The following SEC31A variants were observed in gnomAD, a reference collection of about 807,000 sequenced individuals.
SEC31A encodes SEC31 homolog A, COPII component, also known as protein transport protein Sec31A.
Under a neutral mutation model 151.0 loss-of-function variants are expected in SEC31A, and 70 were observed. The observed-to-expected ratio is 0.46, with a 90% confidence interval of 0.38 to 0.57. SEC31A has a LOEUF of 0.57. SEC31A is among the 20% of genes least tolerant of loss of function. The pLI is 0.00. For synonymous variants in SEC31A, 475 were observed against 505.9 expected (o/e 0.94, Z 0.82); for missense variants, 1,330 against 1,471.2 (o/e 0.90, Z 1.57).
chr4:82,819,032 T>G lies in SEC31A; in HGVS notation c.*42A>C. The G allele has an allele frequency of 1.3e-6, 2 of 1,532,380 alleles. No individual in the cohort carries two copies. Among genetic ancestry groups the G allele is most frequent in the Non-Finnish European group, 8.8e-7 (1 of 1,137,448 alleles). 94.9% of individuals were successfully genotyped at this position (1,532,380 alleles called of 1,614,324 possible). ...ATAATTTTTTTTTTTAACATGTTTC[T>G]TTGGAAAAATGGCAATATTGAGTGG... On this transcript the variant is annotated 3_prime_UTR_variant, in exon 27 of 27. Coordinates refer to ENST00000395310, the MANE Select transcript of SEC31A (RefSeq NM_001077207.4).
rs201422204 is a variant in SEC31A at position 82,864,565 on chromosome 4, T to G, written c.1231A>C (p.Arg411=). The change falls in exon 11 of 27, where the codon AGA becomes CGA. Residue 411 remains arginine (R), a synonymous_variant. Transcript: ENST00000395310. ...TCAGCTCCCTGATGAGAAGGCATTCTGACATTCTCAAACGTAACCAGTTTG... is the reference window on the plus strand; with the variant it reads ...TCAGCTCCCTGATGAGAAGGCATTCGGACATTCTCAAACGTAACCAGTTTG... ...GGKLVTFENV[R]MPSHQGAEQQ... 3 of 1,614,084 alleles carry G rather than the reference T, an allele frequency of 1.9e-6. No homozygotes were observed. Among genetic ancestry groups the G allele is most frequent in the African/African-American group, 1.3e-5 (1 of 75,042 alleles).
At chr4:82,828,975 T>C (rs550302065) in intron 23 of SEC31A, 25 bp downstream of exon 23, 36 of 1,601,024 alleles carry the variant, frequency 2.2e-5, no homozygotes, top group South Asian at 1.4e-4. Context: ...CTGTAGGCCA[T>C]TGGATGGACA....
chr4:82,874,688 T>A lies in SEC31A; in HGVS notation c.562A>T (p.Ser188Cys). 1 of 1,613,418 alleles carries A rather than the reference T, an allele frequency of 6.2e-7. No homozygotes were observed. The highest frequency in any genetic ancestry group is 1.1e-5 in the South Asian group (1 of 90,906). ...RQVQHILASA[S>C]PSGRATVWDL... is the part of the protein sequence containing the mutation. ...CATACAGTGGCCCGGCCACTGGGAC[T>A]GGCTGATGCTAAAATATGCTGAACT... is the stretch of plus-strand genomic sequence containing the variant. Residue 188 changes from serine to cysteine, a missense_variant, in exon 6 of 27, where the codon AGT becomes TGT. Ser to Cys is a moderately radical substitution (Grantham distance 112). Transcript: ENST00000395310.
At chr4:82,839,352 T>C (rs1001776587) in intron 22 of SEC31A, among the ~76,000 whole-genome samples, 1 of 152,184 alleles carries the variant, frequency 6.6e-6, no homozygotes. Context: ...GGTTTCGCCA[T>C]GTTGGCCAGG....
chr4:82,830,883 A>T, intron 22 of SEC31A: 1 of 781,470 alleles, frequency 1.3e-6, no homozygotes, highest in Non-Finnish European at 1.7e-6. Context: ...TCCATTCATT[A>T]ATTGTATTCA....
chr4:82,847,538 C>T (rs970023526), intron 20 of SEC31A, among the ~76,000 whole-genome samples: 7 of 152,184 alleles, frequency 4.6e-5, no homozygotes, highest in African/African-American at 1.7e-4. Flanking sequence ...CAGTACCTGA[C>T]AGGTAGCTTG....
At chr4:82,888,088 C>T (rs951756088) in intron 1 of SEC31A, among the ~76,000 whole-genome samples, 67 of 148,284 alleles carry the variant, frequency 4.5e-4, no homozygotes, top group South Asian at 8.7e-4. Flanking sequence ...AAAAAAACAT[C>T]TATTAGCCAG....
intron 8 of SEC31A, among the ~76,000 whole-genome samples, chr4:82,867,554 G>A (rs975641247): frequency 3.9e-5 from 6 of 152,106 alleles, no homozygotes; most frequent in South Asian, 2.1e-4. Flanking sequence ...TTGAATAAAC[G>A]CATTTTAAAA....
chr4:82,863,795 A>C (rs1358298513), intron 11 of SEC31A, among the ~76,000 whole-genome samples: 1 of 152,178 alleles, frequency 6.6e-6, no homozygotes, highest in Non-Finnish European at 1.5e-5. Context: ...TTATTACAAA[A>C]TATAAATTCT....
chr4:82,872,082 T>C lies in SEC31A; in HGVS notation c.644A>G (p.His215Arg), dbSNP rs1159925091. ...IKVSDHSNRM[H>R]CSGLAWHPDV... is the part of the protein sequence containing the mutation. The stretch of plus-strand genomic sequence containing the variant: ...AGGATGCCATGCCAACCCAGAACAA[T>C]GCATCTGAAGATAGTTAAGGTTCAC... The change falls in exon 7 of 27, where the codon CAT (histidine) becomes CGT (arginine). Residue 215 changes from histidine to arginine, a missense_variant. Coordinates refer to ENST00000395310, the MANE Select transcript of SEC31A (RefSeq NM_001077207.4). 2.0e-5 allele frequency: 32 copies of C among 1,612,992 alleles called. No individual in the cohort carries two copies. Among genetic ancestry groups the C allele is most frequent in the Non-Finnish European group, 2.6e-5 (31 of 1,179,066 alleles).
chr4:82,851,886 C>T (rs1234658671), intron 18 of SEC31A, among the ~76,000 whole-genome samples: 1 of 152,140 alleles, frequency 6.6e-6, no homozygotes, highest in Non-Finnish European at 1.5e-5. Context: ...CAGGCAAATA[C>T]TCAAAGTGAA....
At chr4:82,897,910 C>T (rs1296397800) in intron 3 of SEC31A, 1 of 152,114 alleles carries the variant, frequency 6.6e-6, no homozygotes, top group African/African-American at 2.4e-5. Flanking sequence ...ATGTTTTTTA[C>T]TTGGACAATC....
chr4:82,862,523 GGC>G lies in SEC31A; in HGVS notation c.1548+9_1548+10del. On this transcript the variant is annotated intron_variant, in intron 13 of 26. Coordinates refer to ENST00000395310, the MANE Select transcript of SEC31A (RefSeq NM_001077207.4). ...GTTTTAGAAGGTAGCTATTTTTAAA[GGC>G]CTTCTTACCACATTGGCTCCATCCA... 2 of 1,610,266 alleles carry G rather than the reference GGC, an allele frequency of 1.2e-6. No homozygotes were observed. Among genetic ancestry groups the G allele is most frequent in the Non-Finnish European group, 1.7e-6 (2 of 1,177,122 alleles).
At chr4:82,827,734 CAAATTTTTTAATAGT>C (rs1724930780) in intron 23 of SEC31A, 102 bp from the exon 24 acceptor site, 1 of 1,174,190 alleles carries the variant, frequency 8.5e-7, no homozygotes, top group South Asian at 1.5e-5. Context: ...CACGGCTAAA[CAAATTTTTTAATAGT>C]AGTAGAATAC....
chr4:82,850,169 G>A (rs1283034861), intron 19 of SEC31A, among the ~76,000 whole-genome samples: 4 of 151,750 alleles, frequency 2.6e-5, no homozygotes. Flanking sequence ...CTTATAAATG[G>A]TACTGAAAAT....
intron 1 of SEC31A, among the ~76,000 whole-genome samples, chr4:82,888,388 A>ATATATATATATGCG (rs1560676415): frequency 4.1e-5 from 3 of 73,332 alleles, no homozygotes; most frequent in Non-Finnish European, 1.1e-4. Context: ...CAAAAAACAT[A>ATATATATATATGCG]TATATATATA....
chr4:82,866,539 T>A (rs139377903), intron 10 of SEC31A, among the ~76,000 whole-genome samples: 103 of 152,142 alleles, frequency 6.8e-4, no homozygotes, highest in South Asian at 1.2e-3. Flanking sequence ...ACAACAACAA[T>A]GTAAATGTAC....
intron 20 of SEC31A, among the ~76,000 whole-genome samples, chr4:82,845,661 G>A (rs148896026): frequency 1.0e-3 from 142 of 141,696 alleles, no homozygotes; most frequent in Middle Eastern, 3.5e-3. Flanking sequence ...AAGTAATTGA[G>A]TAAAAAAGTG....
At chr4:82,883,069 G>A (rs187775228) in intron 1 of SEC31A, among the ~76,000 whole-genome samples, 40 of 152,248 alleles carry the variant, frequency 2.6e-4, no homozygotes, top group Admixed American at 1.0e-3. Flanking sequence ...ACATTGAGCC[G>A]AGATCATGCC....
Sources: allele counts gnomAD v4.1 joint callset (sites outside exome capture counted in the v4.1 genomes callset), GRCh38; gene constraint gnomAD v4.1.1; transcripts MANE v1.5; gene names NCBI Gene and HGNC (gene_info 2026-07-23, HGNC 2026-07-21).